CNDP1: variants seen among roughly 807,000 people sequenced by gnomAD.
CNDP1 encodes the protein carnosine dipeptidase 1.
A neutral mutation model predicts 58.1 loss-of-function variants in CNDP1; 44 were observed. The ratio of observed to expected loss-of-function variants is 0.76; its 90% confidence interval spans 0.60 to 0.97. The LOEUF is 0.97. Among genes scored for constraint, CNDP1 ranks in the 50% least tolerant of loss-of-function variants. The probability of loss-of-function intolerance (pLI) is 0.00; values close to 1 mark genes in which losing one functional copy is unlikely to be tolerated. For missense variants in CNDP1, 616 were observed against 655.1 expected (o/e 0.94, Z 0.65); for synonymous variants, 254 against 252.6 (o/e 1.01, Z -0.05).
chr18:74,583,393 C>T (rs1465376551), intron 10 of CNDP1, among the ~76,000 whole-genome samples, 168 bp from the exon 11 acceptor site: 2 of 152,120 alleles, frequency 1.3e-5, no homozygotes, highest in South Asian at 2.1e-4. Context: ...AATATAATTG[C>T]ATGATATCAA....
intron 1 of CNDP1, among the ~76,000 whole-genome samples, chr18:74,547,083 G>A (rs1380944240): frequency 1.3e-5 from 2 of 152,232 alleles, no homozygotes; most frequent in East Asian, 3.9e-4. Context: ...ATCTGCAGGA[G>A]CCACGTTGGC....
chr18:74,547,400 G>A (rs566428260), intron 1 of CNDP1, among the ~76,000 whole-genome samples: 1 of 152,206 alleles, frequency 6.6e-6, no homozygotes, highest in African/African-American at 2.4e-5. Context: ...CTTGGCCTGA[G>A]GCTTTGTGGG....
chr18:74,544,287 A>C (rs1980701815), intron 1 of CNDP1, among the ~76,000 whole-genome samples: 1 of 152,194 alleles, frequency 6.6e-6, no homozygotes, highest in Non-Finnish European at 1.5e-5. Flanking sequence ...GTGCATTGGC[A>C]TCTTATTCTA....
intron 11 of CNDP1, 42 bp from the exon 12 acceptor site, chr18:74,584,454 G>A (rs866415867): frequency 1.4e-6 from 2 of 1,389,504 alleles, no homozygotes; most frequent in East Asian, 2.3e-5. Context: ...TCATTTGAAT[G>A]GAAATTGTAA....
rs558873269 is a variant in CNDP1 at position 74,565,194 on chromosome 18, C to T, written c.556-2039C>T. Reference sequence around the variant, plus strand: ...TGCCTCCATGATTCAATTACCTCCCCGTGGGTCCCTCCCACAACATGTAGG... The same window carrying T: ...TGCCTCCATGATTCAATTACCTCCCTGTGGGTCCCTCCCACAACATGTAGG... On this transcript the variant is annotated intron_variant, in intron 5 of 11. Coordinates refer to ENST00000358821, the MANE Select transcript of CNDP1 (RefSeq NM_032649.6). 4.6e-5 allele frequency among the ~76,000 whole-genome samples: 7 copies of T among 152,292 alleles called. No homozygotes were observed. The East Asian group carries it at 9.7e-4, about 21-fold the overall frequency.
intron 5 of CNDP1, among the ~76,000 whole-genome samples, chr18:74,563,087 G>T (rs1291021509): frequency 8.5e-5 from 13 of 152,146 alleles, no homozygotes; most frequent in Admixed American, 8.5e-4. Context: ...GGGCTTCTGG[G>T]GTGTCTTTTC....
intron 5 of CNDP1, 125 bp downstream of exon 5, chr18:74,562,260 G>A (rs1417221978): frequency 1.2e-6 from 1 of 805,152 alleles, no homozygotes; most frequent in Non-Finnish European, 2.1e-6. Flanking sequence ...ATCTTTGGAG[G>A]TGTGTGCGAC....
chr18:74,555,035 G>A (rs1377724362), intron 1 of CNDP1, among the ~76,000 whole-genome samples: 1 of 152,142 alleles, frequency 6.6e-6, no homozygotes, highest in Non-Finnish European at 1.5e-5. Flanking sequence ...ATGGCACTGA[G>A]ACTTCACCAG....
At position 74,584,615 on chromosome 18, in the gene CNDP1, C is replaced by T; in HGVS notation, c.*53C>T. 7.6e-7 allele frequency: 1 copy of T among 1,324,062 alleles called. No individual in the cohort carries two copies. Among genetic ancestry groups the T allele is most frequent in the Non-Finnish European group, 1.1e-6 (1 of 915,552 alleles). The allele number at this position is 1,324,062 out of a possible 1,614,324, so 82.0% of individuals were successfully genotyped here. On this transcript the variant is annotated 3_prime_UTR_variant, in exon 12 of 12. Transcript: ENST00000358821. ...TCCACTGACAGATTCACCTCCCCCA[C>T]ATCCCTAGACAGGGATGGAATGTAA... is the stretch of plus-strand genomic sequence containing the variant.
intron 6 of CNDP1, among the ~76,000 whole-genome samples, chr18:74,568,526 G>A (rs1981388279): frequency 6.6e-6 from 1 of 152,156 alleles, no homozygotes; most frequent in South Asian, 2.1e-4. Flanking sequence ...TAGACAGAGG[G>A]AGCAGTTGGA....
intron 7 of CNDP1, among the ~76,000 whole-genome samples, chr18:74,575,331 C>CAGAG (rs1981602907): frequency 5.3e-5 from 8 of 152,298 alleles, no homozygotes; most frequent in Admixed American, 1.3e-4. Context: ...TTAGAAGGCA[C>CAGAG]GCACTCTGCA....
At chr18:74,564,685 A>C (rs1981282870) in intron 5 of CNDP1, among the ~76,000 whole-genome samples, 2 of 152,166 alleles carry the variant, frequency 1.3e-5, no homozygotes, top group South Asian at 4.1e-4. Flanking sequence ...TGTAGTATAG[A>C]ATTTGCTTTT....
At chr18:74,569,432 G>A (rs577463614) in intron 6 of CNDP1, among the ~76,000 whole-genome samples, 2 of 152,276 alleles carry the variant, frequency 1.3e-5, no homozygotes, top group South Asian at 2.1e-4. Context: ...AAGAGATTGA[G>A]TTTGGGTCTA....
intron 10 of CNDP1, 31 bp from the exon 11 acceptor site, chr18:74,583,530 C>T (rs1472987137): frequency 6.2e-7 from 1 of 1,607,706 alleles, no homozygotes; most frequent in South Asian, 1.1e-5. Flanking sequence ...TTGTCCTTAC[C>T]CTATTCAAAT....
At chr18:74,573,183 C>T (rs998972244) in intron 7 of CNDP1, among the ~76,000 whole-genome samples, 1 of 151,852 alleles carries the variant, frequency 6.6e-6, no homozygotes, top group Middle Eastern at 3.4e-3. Context: ...TGCATCTATC[C>T]ATCCATTATC....
chr18:74,579,384 C>T (rs1458147893), intron 9 of CNDP1, among the ~76,000 whole-genome samples: 1 of 133,488 alleles, frequency 7.5e-6, no homozygotes, highest in Non-Finnish European at 1.6e-5. Flanking sequence ...ATCTTTCTCT[C>T]CTTCCTCCCT....
intron 10 of CNDP1, among the ~76,000 whole-genome samples, chr18:74,581,867 G>A (rs1166566992): frequency 6.6e-6 from 1 of 152,232 alleles, no homozygotes; most frequent in Non-Finnish European, 1.5e-5. Context: ...CATTTAGGTA[G>A]ACCTATGGCA....
At chr18:74,546,166 T>C (rs1006405854) in intron 1 of CNDP1, among the ~76,000 whole-genome samples, 2 of 152,252 alleles carry the variant, frequency 1.3e-5, no homozygotes, top group African/African-American at 4.8e-5. Flanking sequence ...AAGCCACTGT[T>C]ACGTTTCTAG....
intron 7 of CNDP1, among the ~76,000 whole-genome samples, chr18:74,572,808 A>AAAAAAAAG (rs1555710825): frequency 3.0e-5 from 4 of 135,410 alleles, no homozygotes; most frequent in East Asian, 2.2e-4. Flanking sequence ...AAAAAAAAAA[A>AAAAAAAAG]AAAGAAAGAA....
Sources: gnomAD v4.1 joint callset for allele counts (sites outside exome capture counted in the v4.1 genomes callset) on GRCh38, gnomAD v4.1.1 for gene constraint, MANE v1.5 for transcripts, NCBI Gene and HGNC (gene_info 2026-07-23, HGNC 2026-07-21) for gene names.